SYNGR2: variants seen among roughly 807,000 people sequenced by gnomAD.
SYNGR2 encodes the protein synaptogyrin 2.
Under a neutral mutation model 18.7 loss-of-function variants are expected in SYNGR2, and 11 were observed. That is an observed-to-expected ratio of 0.59 (90% CI 0.37 to 0.97). SYNGR2 has a LOEUF of 0.97. Among genes scored for constraint, SYNGR2 ranks in the 50% least tolerant of loss-of-function variants. The probability of loss-of-function intolerance (pLI) is 0.01; values close to 1 mark genes in which losing one functional copy is unlikely to be tolerated. For missense variants in SYNGR2, 253 were observed against 300.7 expected (o/e 0.84, Z 1.17); for synonymous variants, 127 against 131.0 (o/e 0.97, Z 0.21).
At chr17:78,169,260 GTGT>G (rs2075640959) in intron 1 of SYNGR2, 1 of 52,474 alleles carries the variant, frequency 1.9e-5, no homozygotes, top group African/African-American at 8.2e-5. Flanking sequence ...CAGGTTTTGT[GTGT>G]GTGTGTGTGT....
chr17:78,171,999 G>C lies in SYNGR2; in HGVS notation c.*63G>C, dbSNP rs143144653. ...TCCCCTCTGCCCTGGACTTTCCCAT[G>C]AGCCTCCTGGAACTGCCAGCCCCTC... is the stretch of plus-strand genomic sequence containing the variant. On this transcript the variant is annotated 3_prime_UTR_variant, in exon 4 of 4. Coordinates refer to ENST00000225777, the MANE Select transcript of SYNGR2 (RefSeq NM_004710.7). This position sits in a 1 kb window ranked among gnomAD's most constrained non-coding sequence, Gnocchi z 6.6. 6.7e-3 allele frequency: 10,713 copies of C among 1,601,110 alleles called. 62 individuals carry two copies. Among genetic ancestry groups the C allele is most frequent in the Middle Eastern group, 0.024 (144 of 6,040 alleles).
intron 1 of SYNGR2, 61 bp from the exon 2 acceptor site, chr17:78,170,756 T>A (rs757512198): frequency 7.0e-7 from 1 of 1,433,582 alleles, no homozygotes; most frequent in Non-Finnish European, 9.7e-7. Flanking sequence ...CCCATCAGGG[T>A]CCCCGCTGTG....
At position 78,171,729 on chromosome 17, in the gene SYNGR2, C is replaced by T. The variant is rs1289617307; in HGVS notation, c.478-10C>T. The T allele has an allele frequency of 1.9e-6, 3 of 1,614,046 alleles. No individual in the cohort carries two copies. Among genetic ancestry groups the T allele is most frequent in the Admixed American group, 1.7e-5 (1 of 60,022 alleles). On this transcript the variant is annotated splice_polypyrimidine_tract_variant and intron_variant, in intron 3 of 3. Transcript: ENST00000225777. The surrounding 1 kb of genome is among the most constrained non-coding windows in gnomAD (Gnocchi z 6.6). ...CCACCCACCTGTACCCTGCTGTGCT[C>T]CCCCTGCAGGGTGTGCTGGCCTCCC...
At position 78,168,687 on chromosome 17, in the gene SYNGR2, C is replaced by A; in HGVS notation, c.71C>A (p.Pro24Gln). The change falls in exon 1 of 4, where the codon CCG (proline) becomes CAG (glutamine). Residue 24 changes from proline (P) to glutamine (Q), a missense_variant. Transcript: ENST00000225777. ...GACCTGCGGCGCTTCCTGACGCAGC[C>A]GCAGGTGGTGGCGCGCGCCGTGTGC... The part of the protein sequence containing the change: ...SFDLRRFLTQ[P>Q]QVVARAVCLV... 1 of 1,203,254 alleles carries A rather than the reference C, an allele frequency of 8.3e-7. No homozygotes were observed. Among genetic ancestry groups the A allele is most frequent in the Non-Finnish European group, 1.0e-6 (1 of 969,476 alleles). 74.5% of individuals were successfully genotyped at this position (1,203,254 alleles called of 1,614,324 possible).
Position 78,172,074 on chromosome 17 carries a change from A to C in SYNGR2, c.*138A>C. ...AGCTGACACACAGCTAAGGAGCCTC[A>C]TAGCCTGGCGGGGGCTGGCAGAGCC... On this transcript the variant is annotated 3_prime_UTR_variant, in exon 4 of 4. Transcript: ENST00000225777. 3.4e-6 allele frequency: 5 copies of C among 1,488,130 alleles called. No individual in the cohort carries two copies. The highest frequency in any genetic ancestry group is 3.6e-6 in the Non-Finnish European group (4 of 1,120,988). 92.2% of individuals were successfully genotyped at this position (1,488,130 alleles called of 1,614,324 possible).
intron 1 of SYNGR2, among the ~76,000 whole-genome samples, chr17:78,169,447 C>A (rs1381239055): frequency 6.6e-6 from 1 of 152,196 alleles, no homozygotes; most frequent in African/African-American, 2.4e-5. Context: ...CTGATCGCCT[C>A]TGTCCTGGGC....
rs1377463158 is a variant in SYNGR2, at chr17:78,170,837, C to T, written c.120C>T (p.Phe40=). ...AVCLVFALIV[F]SCIYGEGYSN... Reference sequence around the variant, plus strand: ...GGCAGGTCTTCGCCTTGATCGTGTTCTCCTGCATCTATGGTGAGGGCTACA... The same window carrying T: ...GGCAGGTCTTCGCCTTGATCGTGTTTTCCTGCATCTATGGTGAGGGCTACA... The change falls in exon 2 of 4, where the codon TTC becomes TTT. Residue 40 remains phenylalanine (F), a synonymous_variant. Transcript: ENST00000225777. The T allele has an allele frequency of 3.7e-6, 6 of 1,611,710 alleles. No homozygotes were observed. The highest frequency in any genetic ancestry group is 4.2e-6 in the Non-Finnish European group (5 of 1,179,674).
chr17:78,169,076 G>T lies in SYNGR2; in HGVS notation c.99+361G>T, dbSNP rs576618011. 441 of 160,316 alleles carry T rather than the reference G, an allele frequency of 2.8e-3. 3 individuals are homozygous for T. Among genetic ancestry groups the T allele is most frequent in the African/African-American group, 8.6e-3 (359 of 41,878 alleles). The allele number at this position is 160,316 out of a possible 1,614,324, so 9.9% of individuals were successfully genotyped here. A position where few individuals can be genotyped will look rare whatever the true frequency, so the allele number is the denominator to read the frequency against. On this transcript the variant is annotated intron_variant, in intron 1 of 3. Transcript: ENST00000225777. ...CGACTCCCAGATTGGGGAGTTCACCGGGACGGGGTTTTCCGAAGCCACGTG... is the reference window on the plus strand; with the variant it reads ...CGACTCCCAGATTGGGGAGTTCACCTGGACGGGGTTTTCCGAAGCCACGTG...
intron 1 of SYNGR2, chr17:78,170,463 C>T (rs147969780): frequency 0.024 from 5,590 of 237,144 alleles, 306 homozygotes; most frequent in African/African-American, 0.12. Context: ...CTTTGGGAGG[C>T]CGAGGAGGGT....
At position 78,171,411 on chromosome 17, in the gene SYNGR2, C is replaced by T; in HGVS notation, c.338-99C>T. 3 of 1,426,274 alleles carry T rather than the reference C, an allele frequency of 2.1e-6. No homozygotes were observed. Among genetic ancestry groups the T allele is most frequent in the Non-Finnish European group, 2.8e-6 (3 of 1,061,568 alleles). 88.4% of individuals were successfully genotyped at this position (1,426,274 alleles called of 1,614,324 possible). ...CCTCCCCTCCATAGTGTGGAGGCTC[C>T]CCCGGGAGGTCCCTGCCCTACCTGC... On this transcript the variant is annotated intron_variant, in intron 2 of 3. Coordinates refer to ENST00000225777, the MANE Select transcript of SYNGR2 (RefSeq NM_004710.7). This position sits in a 1 kb window ranked among gnomAD's most constrained non-coding sequence, Gnocchi z 6.6.
Position 78,172,019 on chromosome 17 carries a change from C to G in SYNGR2, c.*83C>G, listed in dbSNP as rs1232623956. ...CCCATGAGCCTCCTGGAACTGCCAG[C>G]CCCTCTCTTTCACCTGTTCCATCCT... On this transcript the variant is annotated 3_prime_UTR_variant, in exon 4 of 4. Coordinates refer to ENST00000225777, the MANE Select transcript of SYNGR2 (RefSeq NM_004710.7). The G allele has an allele frequency of 2.5e-6, 4 of 1,594,144 alleles. No individual in the cohort carries two copies. The African/African-American group carries it at 4.0e-5, about 16-fold the overall frequency.
At position 78,171,310 on chromosome 17, in the gene SYNGR2, C is replaced by A; in HGVS notation, c.338-200C>A. On this transcript the variant is annotated intron_variant, in intron 2 of 3. Coordinates refer to ENST00000225777, the MANE Select transcript of SYNGR2 (RefSeq NM_004710.7). The surrounding 1 kb of genome is among the most constrained non-coding windows in gnomAD (Gnocchi z 6.6). ...GCCTCTGCCCCTTTTGTCCCCTAGG[C>A]TGTCTGCTGTGGCCCACCCTGCCAA... The A allele has an allele frequency of 1.4e-6, 1 of 705,176 alleles. No individual in the cohort carries two copies. The highest frequency in any genetic ancestry group is 2.3e-6 in the Non-Finnish European group (1 of 433,826). The allele number at this position is 705,176 out of a possible 1,614,324, so 43.7% of individuals were successfully genotyped here. A position where few individuals can be genotyped will look rare whatever the true frequency, so the allele number is the denominator to read the frequency against.
chr17:78,171,438 C>G lies in SYNGR2; in HGVS notation c.338-72C>G. On this transcript the variant is annotated intron_variant, in intron 2 of 3. Coordinates refer to ENST00000225777, the MANE Select transcript of SYNGR2 (RefSeq NM_004710.7). This position sits in a 1 kb window ranked among gnomAD's most constrained non-coding sequence, Gnocchi z 6.6. ...CCGGGAGGTCCCTGCCCTACCTGCC[C>G]GCGTCCCCTCCCAGAGTCCTGGAAA... 6.7e-6 allele frequency: 10 copies of G among 1,499,702 alleles called. No individual in the cohort carries two copies. Among genetic ancestry groups the G allele is most frequent in the Non-Finnish European group, 8.0e-6 (9 of 1,122,714 alleles). The allele number at this position is 1,499,702 out of a possible 1,614,324, so 92.9% of individuals were successfully genotyped here. A position where few individuals can be genotyped will look rare whatever the true frequency, so the allele number is the denominator to read the frequency against.
At chr17:78,168,948 G>T (rs1267971861) in intron 1 of SYNGR2, among the ~76,000 whole-genome samples, 1 of 147,524 alleles carries the variant, frequency 6.8e-6, no homozygotes, top group African/African-American at 2.5e-5. Context: ...CCAGCCTCGC[G>T]CCCCGACGCG....
chr17:78,170,474 G>C, intron 1 of SYNGR2: 1 of 252,140 alleles, frequency 4.0e-6, no homozygotes, highest in South Asian at 4.5e-5. Flanking sequence ...CGAGGAGGGT[G>C]GATCACCTGA....
Position 78,170,799 on chromosome 17 carries a change from G to A in SYNGR2, c.100-18G>A. On this transcript the variant is annotated intron_variant, in intron 1 of 3. Coordinates refer to ENST00000225777, the MANE Select transcript of SYNGR2 (RefSeq NM_004710.7). Reference sequence around the variant, plus strand: ...CTCAGGCGGCCACCAGCCCTACCAGGTCCTCCCCTCCCGGCAGGTCTTCGC... The same window carrying A: ...CTCAGGCGGCCACCAGCCCTACCAGATCCTCCCCTCCCGGCAGGTCTTCGC... The A allele has an allele frequency of 6.2e-7, 1 of 1,600,808 alleles. No homozygotes were observed. The highest frequency in any genetic ancestry group is 8.5e-7 in the Non-Finnish European group (1 of 1,174,376).
rs148748974 is a variant in SYNGR2 at position 78,170,938 on chromosome 17, T to C, written c.221T>C (p.Ile74Thr). 1.5e-5 allele frequency: 25 copies of C among 1,613,188 alleles called. No individual in the cohort carries two copies. Among genetic ancestry groups the C allele is most frequent in the African/African-American group, 2.7e-5 (2 of 74,846 alleles). ...GATGCCTGCCGCTATGGCAGTGCCA[T>C]CGGGGTGCTGGCCTTCCTGGCCTCG... is the stretch of plus-strand genomic sequence containing the variant. ...NEDACRYGSA[I>T]GVLAFLASAF... The change falls in exon 2 of 4, where the codon ATC (isoleucine) becomes ACC (threonine). Residue 74 changes from isoleucine (I) to threonine (T), a missense_variant. By Grantham distance (89) the Ile-to-Thr change is moderately conservative. Transcript: ENST00000225777.
rs2075657398 is a variant in SYNGR2 at position 78,171,416 on chromosome 17, G to GGAGGTCCCTGCCCTACCTGCCC, written c.338-92_338-71dup. On this transcript the variant is annotated intron_variant, in intron 2 of 3. Transcript: ENST00000225777. This position sits in a 1 kb window ranked among gnomAD's most constrained non-coding sequence, Gnocchi z 6.6. The stretch of plus-strand genomic sequence containing the variant: ...CCTCCATAGTGTGGAGGCTCCCCCG[G>GGAGGTCCCTGCCCTACCTGCCC]GAGGTCCCTGCCCTACCTGCCCGCG... The GGAGGTCCCTGCCCTACCTGCCC allele has an allele frequency of 6.9e-7, 1 of 1,449,680 alleles. No individual in the cohort carries two copies. The highest frequency in any genetic ancestry group is 1.4e-5 in the South Asian group (1 of 70,214). The allele number at this position is 1,449,680 out of a possible 1,614,324, so 89.8% of individuals were successfully genotyped here.
intron 1 of SYNGR2, 151 bp downstream of exon 1, chr17:78,168,866 C>T: frequency 1.7e-6 from 1 of 576,070 alleles, no homozygotes; most frequent in South Asian, 8.4e-5. Context: ...CGTCCCGGGC[C>T]CCGCCTTCCC....
Sources: gnomAD v4.1 joint callset for allele counts (sites outside exome capture counted in the v4.1 genomes callset) on GRCh38, gnomAD v4.1.1 for gene constraint, Gnocchi (gnomAD v3.1) non-coding constraint, MANE v1.5 for transcripts, NCBI Gene and HGNC (gene_info 2026-07-23, HGNC 2026-07-21) for gene names.